The following ATP6V1C2 variants were observed in gnomAD, a reference collection of about 807,000 sequenced individuals.
ATP6V1C2 encodes the protein V-type proton ATPase subunit C 2.
A neutral mutation model predicts 56.8 loss-of-function variants in ATP6V1C2; 45 were observed. That is an observed-to-expected ratio of 0.79 (90% confidence interval 0.62 to 1.02). ATP6V1C2 has a LOEUF of 1.02. Among genes scored for constraint, ATP6V1C2 ranks in the 50% least tolerant of loss-of-function variants. ATP6V1C2 has a pLI of 0.00. For missense variants in ATP6V1C2, 463 were observed against 519.7 expected (o/e 0.89, Z 1.06); for synonymous variants, 220 against 201.3 (o/e 1.09, Z -0.79).
At chr2:10,765,449 A>G (rs1469185587) in intron 5 of ATP6V1C2, among the ~76,000 whole-genome samples, 1 of 152,240 alleles carries the variant, frequency 6.6e-6, no homozygotes, top group African/African-American at 2.4e-5. Context: ...GGCCTGGGCC[A>G]GGAACAAAGG....
At chr2:10,732,218 C>T (rs1046795424) in intron 3 of ATP6V1C2, among the ~76,000 whole-genome samples, 12 of 151,972 alleles carry the variant, frequency 7.9e-5, no homozygotes, top group African/African-American at 2.9e-4. Context: ...TTCTTCCCTC[C>T]ATCCCTCCCT....
intron 4 of ATP6V1C2, chr2:10,757,443 G>T: frequency 2.5e-6 from 1 of 398,604 alleles, no homozygotes. Context: ...AAGGAAAAAT[G>T]AAATGTTTAA....
At chr2:10,777,506 C>T in intron 10 of ATP6V1C2, 79 bp from the exon 11 acceptor site, 1 of 1,559,392 alleles carries the variant, frequency 6.4e-7, no homozygotes, top group East Asian at 2.2e-5. Flanking sequence ...TCTCGCGTGC[C>T]TTTCAGGCGA....
intron 12 of ATP6V1C2, among the ~76,000 whole-genome samples, chr2:10,779,840 T>A (rs886594351): frequency 2.0e-5 from 3 of 152,150 alleles, no homozygotes; most frequent in African/African-American, 7.2e-5. Flanking sequence ...GTTTTGTTGT[T>A]TTTTTATGAA....
intron 3 of ATP6V1C2, among the ~76,000 whole-genome samples, chr2:10,732,667 A>G (rs376934641): frequency 1.8e-4 from 27 of 152,180 alleles, no homozygotes; most frequent in Admixed American, 1.3e-3. Flanking sequence ...GTAGTATAGC[A>G]TATGTTTAAG....
upstream of ATP6V1C2, among the ~76,000 whole-genome samples, chr2:10,721,125 C>G (rs965963998): frequency 6.6e-6 from 1 of 152,174 alleles, no homozygotes; most frequent in Non-Finnish European, 1.5e-5. Context: ...GCTTCGCTGT[C>G]TACGCAGGTG....
chr2:10,774,633 A>C (rs555741812), intron 8 of ATP6V1C2, among the ~76,000 whole-genome samples, 155 bp from the exon 9 acceptor site: 22 of 152,320 alleles, frequency 1.4e-4, no homozygotes, highest in Non-Finnish European at 2.6e-4. Flanking sequence ...GCAGGCAGCC[A>C]GGAGTTAGGA....
intron 4 of ATP6V1C2, among the ~76,000 whole-genome samples, chr2:10,760,129 C>T (rs1198861): frequency 0.47 from 70,705 of 150,526 alleles, 17,918 homozygotes; most frequent in African/African-American, 0.67. Flanking sequence ...ATCCAGCACT[C>T]TGGGAGGCCG....
chr2:10,775,978 C>T (rs751032893), intron 10 of ATP6V1C2, among the ~76,000 whole-genome samples: 6 of 152,138 alleles, frequency 3.9e-5, no homozygotes, highest in African/African-American at 7.2e-5. Context: ...GGAGGAGCGC[C>T]GTGGCCGCGG....
In ATP6V1C2 at chr2:10,783,232, A is replaced by T; in HGVS notation, c.1253A>T (p.Tyr418Phe). The T allele has an allele frequency of 6.2e-7, 1 of 1,613,750 alleles. No homozygotes were observed. The highest frequency in any genetic ancestry group is 8.5e-7 in the Non-Finnish European group (1 of 1,179,642). Reference sequence around the variant, plus strand: ...AACCAAGACTATTTTCCTTATGTCTACTTCCATATTGACCTTAGTCTTCTT... The same window carrying T: ...AACCAAGACTATTTTCCTTATGTCTTCTTCCATATTGACCTTAGTCTTCTT... ...LNNQDYFPYV[Y>F]FHIDLSLLD Residue 418 changes from tyrosine to phenylalanine, a missense_variant, in exon 14 of 14, where the codon TAC (tyrosine) becomes TTC (phenylalanine). By Grantham distance (22) the Tyr-to-Phe change is conservative. Transcript: ENST00000272238.
At chr2:10,774,276 T>TCAGAGATG (rs11281148) in intron 8 of ATP6V1C2, among the ~76,000 whole-genome samples, 5,035 of 152,308 alleles carry the variant, frequency 0.033, 268 homozygotes, top group African/African-American at 0.11. Context: ...CCAATAGGAC[T>TCAGAGATG]CAGAGATGCT....
intron 3 of ATP6V1C2, among the ~76,000 whole-genome samples, chr2:10,749,101 G>T (rs577379225): frequency 2.5e-4 from 34 of 133,390 alleles, no homozygotes; most frequent in Non-Finnish European, 4.2e-4. Flanking sequence ...TTGTATTCCC[G>T]CCTGGACAAC....
intron 2 of ATP6V1C2, among the ~76,000 whole-genome samples, chr2:10,725,869 C>T (rs992694134): frequency 1.3e-5 from 2 of 151,666 alleles, no homozygotes; most frequent in African/African-American, 4.8e-5. Flanking sequence ...CACCTGAAGT[C>T]GGGAGTTCGA....
intron 5 of ATP6V1C2, among the ~76,000 whole-genome samples, chr2:10,767,450 T>C (rs1014609025): frequency 2.6e-5 from 4 of 151,640 alleles, no homozygotes; most frequent in Non-Finnish European, 5.9e-5. Flanking sequence ...GACATGTGCC[T>C]GGCCCATTTT....
At chr2:10,723,772 G>A (rs562134561) in intron 2 of ATP6V1C2, among the ~76,000 whole-genome samples, 21 of 150,664 alleles carry the variant, frequency 1.4e-4, no homozygotes, top group African/African-American at 4.6e-4. Context: ...CCGGGAGGTG[G>A]AGCTTGCAGT....
chr2:10,779,474 A>G (rs1013305174), intron 12 of ATP6V1C2, among the ~76,000 whole-genome samples: 4 of 146,800 alleles, frequency 2.7e-5, no homozygotes, highest in African/African-American at 9.9e-5. Flanking sequence ...TGCCCTTGTC[A>G]TGGACTGTCG....
chr2:10,736,146 T>C (rs1662231304), intron 3 of ATP6V1C2, among the ~76,000 whole-genome samples: 1 of 151,178 alleles, frequency 6.6e-6, no homozygotes, highest in Non-Finnish European at 1.5e-5. Flanking sequence ...AGTTGGGGCC[T>C]GAGAACCTGC....
In ATP6V1C2 at chr2:10,784,600, C is replaced by A; in HGVS notation, c.*1337C>A. The A allele has an allele frequency of 1.9e-6, 1 of 518,104 alleles. No homozygotes were observed. Among genetic ancestry groups the A allele is most frequent in the Non-Finnish European group, 3.4e-6 (1 of 295,766 alleles). The allele number at this position is 518,104 out of a possible 1,614,324, so 32.1% of individuals were successfully genotyped here. A position where few individuals can be genotyped will look rare whatever the true frequency, so the allele number is the denominator to read the frequency against. On this transcript the variant is annotated 3_prime_UTR_variant, in exon 14 of 14. Coordinates refer to ENST00000272238, the MANE Select transcript of ATP6V1C2 (RefSeq NM_001039362.2). ...TTGAGGAGGGTGGGACACAACAGTA[C>A]AGAAATAAGTGCTAATTTCAAAGCT...
chr2:10,770,854 C>T (rs1664555221), intron 6 of ATP6V1C2, among the ~76,000 whole-genome samples: 1 of 152,128 alleles, frequency 6.6e-6, no homozygotes, highest in Non-Finnish European at 1.5e-5. Context: ...GATGCTAGAC[C>T]CTAAAGATAT....
Sources: allele counts gnomAD v4.1 joint callset (sites outside exome capture counted in the v4.1 genomes callset), GRCh38; gene constraint gnomAD v4.1.1; transcripts MANE v1.5; gene names NCBI Gene and HGNC (gene_info 2026-07-23, HGNC 2026-07-21).